The following TAL1 variants were observed in gnomAD, a reference collection of about 807,000 sequenced individuals.
The protein encoded by TAL1 is TAL bHLH transcription factor 1, erythroid differentiation factor, also known as T-cell acute lymphocytic leukemia protein 1.
In TAL1, 8 loss-of-function variants were observed where a neutral mutation model predicts 17.9. That is an observed-to-expected ratio of 0.45 (90% confidence interval 0.26 to 0.81). The LOEUF (loss-of-function observed/expected upper bound fraction) is 0.81, where lower values mean the gene tolerates loss of function less well. Ranked by LOEUF, TAL1 falls within the 30% of genes least tolerant of loss-of-function variation. TAL1 has a pLI of 0.17. For synonymous variants in TAL1, 223 were observed against 218.6 expected (o/e 1.02, Z -0.18); for missense variants, 466 against 486.9 (o/e 0.96, Z 0.40).
chr1:47,219,817 C>G, exon 4 of TAL1: 1 of 1,607,278 alleles, frequency 6.2e-7, no homozygotes. Flanking sequence ...GCTGTCCGGG[C>G]TGGCTGCCCC....
At chr1:47,219,825 C>A in exon 4 of TAL1, 1 of 1,606,288 alleles carries the variant, frequency 6.2e-7, no homozygotes, top group East Asian at 2.2e-5. Context: ...GGCTGGCTGC[C>A]CCATCCAGGG....
chr1:47,226,393 C>G lies in TAL1; in HGVS notation c.-1-504G>C, dbSNP rs567654206. ...CCTCCCTTGGCCTCTCAGCAATATT[C>G]CCAGCCCACCTACAGGCACACACCC... On this transcript the variant is annotated intron_variant, in intron 1 of 3. Coordinates refer to ENST00000294339, the Ensembl canonical transcript of TAL1. 1.2e-3 allele frequency: 178 copies of G among 153,342 alleles called. 1 individual carries two copies. Among genetic ancestry groups the G allele is most frequent in the African/African-American group, 4.1e-3 (169 of 41,554 alleles). The allele number at this position is 153,342 out of a possible 1,614,324, so 9.5% of individuals were successfully genotyped here.
chr1:47,224,402 GAA>G (rs1643877163), intron 2 of TAL1, among the ~76,000 whole-genome samples: 1 of 60,214 alleles, frequency 1.7e-5, no homozygotes, highest in Non-Finnish European at 3.4e-5. Flanking sequence ...ACACAAAAAT[GAA>G]CACACACACA....
At position 47,217,818 on chromosome 1, in the gene TAL1, C is replaced by T; in HGVS notation, c.*1902G>A. 4 of 398,470 alleles carry T rather than the reference C, an allele frequency of 1.0e-5. No individual in the cohort carries two copies. The Middle Eastern group carries it at 2.5e-3, about 251-fold the overall frequency. 24.7% of individuals were successfully genotyped at this position (398,470 alleles called of 1,614,324 possible). A position where few individuals can be genotyped will look rare whatever the true frequency, so the allele number is the denominator to read the frequency against. On this transcript the variant is annotated 3_prime_UTR_variant, in exon 4 of 4. Coordinates refer to ENST00000294339, the Ensembl canonical transcript of TAL1. ...GTGAAGCAAACAGCCTTAGATCCTA[C>T]AGCAATGACTCTATCTTTAGACAGA...
exon 2 of TAL1, chr1:47,225,655 G>A: frequency 7.2e-7 from 1 of 1,393,244 alleles, no homozygotes; most frequent in Non-Finnish European, 9.2e-7. Context: ...CCGTCGCCGC[G>A]TCGCGGCCCT....
At chr1:47,226,118 A>C (rs1643907350) in intron 1 of TAL1, 2 of 488,558 alleles carry the variant, frequency 4.1e-6, no homozygotes, top group Non-Finnish European at 3.6e-6. Flanking sequence ...GGTGCCTGGG[A>C]GACACAGAGA....
upstream of TAL1, chr1:47,230,941 G>A (rs1449661202): frequency 6.6e-6 from 1 of 152,262 alleles, no homozygotes; most frequent in Non-Finnish European, 1.5e-5. Context: ...CTTCCCAGGA[G>A]GTGATCCCGA....
intron 3 of TAL1, among the ~76,000 whole-genome samples, chr1:47,221,700 G>A (rs1643811237): frequency 6.6e-6 from 1 of 152,194 alleles, no homozygotes; most frequent in Non-Finnish European, 1.5e-5. Flanking sequence ...CCGAGGTAGA[G>A]GAGAAGAGCT....
intron 1 of TAL1, chr1:47,226,222 G>A (rs1643908400): frequency 3.0e-6 from 1 of 338,096 alleles, no homozygotes; most frequent in Non-Finnish European, 5.3e-6. Context: ...GGGGAAATCA[G>A]GAGGAAGGAA....
exon 4 of TAL1, chr1:47,218,132 C>A: frequency 4.1e-6 from 1 of 246,050 alleles, no homozygotes; most frequent in Non-Finnish European, 7.8e-6. Context: ...GTGATGAGTT[C>A]TTGCATGGCA....
At chr1:47,216,695 C>T (rs1311070598) in exon 4 of TAL1, 3 of 231,774 alleles carry the variant, frequency 1.3e-5, no homozygotes, top group Non-Finnish European at 2.6e-5. Flanking sequence ...AAAGGTTGTA[C>T]CATCTTGTCA....
At chr1:47,225,487 G>T in exon 2 of TAL1, 4 of 1,235,270 alleles carry the variant, frequency 3.2e-6, no homozygotes, top group Non-Finnish European at 4.0e-6. Context: ...AGAGCAGCGC[G>T]CGGCCGGGGG....
At chr1:47,220,092 G>C (rs780848420) in exon 4 of TAL1, 3 of 1,613,172 alleles carry the variant, frequency 1.9e-6, no homozygotes, top group South Asian at 2.2e-5. Context: ...TGCGGAGCTC[G>C]GCAAAGGCCC....
At chr1:47,226,431 C>A (rs1342447916) in intron 1 of TAL1, among the ~76,000 whole-genome samples, 1 of 152,036 alleles carries the variant, frequency 6.6e-6, no homozygotes, top group African/African-American at 2.4e-5. Flanking sequence ...AAACCCGGTG[C>A]GGATGGAAGT....
At chr1:47,220,104 G>A (rs367747218) in exon 4 of TAL1, 24 of 1,610,524 alleles carry the variant, frequency 1.5e-5, no homozygotes, top group Middle Eastern at 1.7e-4. Flanking sequence ...CAAAGGCCCC[G>A]TTCACATTCT....
chr1:47,218,861 T>TTCAC (rs1376414067), exon 4 of TAL1: 3 of 244,314 alleles, frequency 1.2e-5, no homozygotes, highest in African/African-American at 2.2e-5. Flanking sequence ...CACACTGGCA[T>TTCAC]TCACTCGCCA....
upstream of TAL1, chr1:47,230,454 C>G (rs1303793158): frequency 6.6e-6 from 1 of 152,184 alleles, no homozygotes; most frequent in Non-Finnish European, 1.5e-5. Context: ...GATTTTCTTT[C>G]TCCTCTTCTA....
chr1:47,232,134 G>C (rs531454847), upstream of TAL1: 8 of 223,844 alleles, frequency 3.6e-5, no homozygotes, highest in East Asian at 4.5e-4. Context: ...GCCGCGGGTT[G>C]CTTTTCCCCT....
intron 1 of TAL1, chr1:47,228,967 G>C (rs1643957966): frequency 6.0e-6 from 1 of 166,940 alleles, no homozygotes; most frequent in Non-Finnish European, 1.3e-5. Flanking sequence ...GGACGACTAA[G>C]TCCAACTAGC....
Sources: gnomAD v4.1 joint callset for allele counts (sites outside exome capture counted in the v4.1 genomes callset) on GRCh38, gnomAD v4.1.1 for gene constraint, MANE v1.5 for transcripts, NCBI Gene and HGNC (gene_info 2026-07-23, HGNC 2026-07-21) for gene names.